The following RGPD2 variants were observed in gnomAD, a reference collection of about 807,000 sequenced individuals.
The protein encoded by RGPD2 is RANBP2-like and GRIP domain-containing protein 2.
RGPD2 carries 2 observed loss-of-function variants against 36.0 expected under a neutral mutation model. That is an observed-to-expected ratio of 0.06 (90% CI 0.02 to 0.17). The LOEUF is 0.17. Among genes scored for constraint, RGPD2 ranks in the 10% least tolerant of loss-of-function variants. The probability of loss-of-function intolerance (pLI) is 1.00; values close to 1 mark genes in which losing one functional copy is unlikely to be tolerated. For synonymous variants in RGPD2, 19 were observed against 163.8 expected, an observed-to-expected ratio of 0.12 and a Z score of 6.75; for missense variants, 40 against 464.3, an observed-to-expected ratio of 0.09 and a Z score of 8.40.
At chr2:87,914,655 T>G in the RGPD2 span, among the ~76,000 whole-genome samples, 1 of 123,880 alleles carries the variant, frequency 8.1e-6, no homozygotes, top group East Asian at 2.0e-4. Flanking sequence ...ACTGAAAAAT[T>G]TATCCAGTAG....
At chr2:87,983,926 C>G in the RGPD2 span, among the ~76,000 whole-genome samples, 5 of 139,678 alleles carry the variant, frequency 3.6e-5, no homozygotes, top group African/African-American at 1.3e-4. Context: ...AGGGCTAGGT[C>G]ACATGGCATC....
the RGPD2 span, among the ~76,000 whole-genome samples, chr2:87,917,820 G>A: frequency 8.4e-6 from 1 of 118,576 alleles, no homozygotes; most frequent in East Asian, 2.1e-4. Flanking sequence ...TCATGCTAAT[G>A]TTTGGATGTT....
At chr2:87,960,206 C>T in the RGPD2 span, among the ~76,000 whole-genome samples, 1 of 151,564 alleles carries the variant, frequency 6.6e-6, no homozygotes, top group South Asian at 2.1e-4. Flanking sequence ...TTCAGTCTTC[C>T]TCACCAGCCC....
At chr2:87,953,500 C>T in the RGPD2 span, among the ~76,000 whole-genome samples, 22 of 99,824 alleles carry the variant, frequency 2.2e-4, no homozygotes, top group South Asian at 8.2e-4. Context: ...ATCAACCATC[C>T]CTCTTTTCAT....
intron 22 of RGPD2, among the ~76,000 whole-genome samples, chr2:87,770,090 A>T (rs2104248022): frequency 8.8e-6 from 1 of 114,248 alleles, no homozygotes; most frequent in East Asian, 2.6e-4. Context: ...CTACTTATGA[A>T]GTATGTCTGT....
chr2:87,887,099 A>AT, the RGPD2 span, among the ~76,000 whole-genome samples: 1,835 of 151,934 alleles, frequency 0.012, 92 homozygotes, highest in East Asian at 0.15. Flanking sequence ...ACCTATAAAT[A>AT]TTTTTTAAAT....
At chr2:87,905,002 C>G in the RGPD2 span, among the ~76,000 whole-genome samples, 1 of 152,244 alleles carries the variant, frequency 6.6e-6, no homozygotes, top group East Asian at 1.9e-4. Flanking sequence ...CTAAACAACC[C>G]TATTCATTAC....
chr2:87,834,178 C>T, the RGPD2 span, among the ~76,000 whole-genome samples: 7 of 144,964 alleles, frequency 4.8e-5, no homozygotes, highest in East Asian at 2.0e-4. Flanking sequence ...AACAGAGAAG[C>T]GGAGAAAAAT....
chr2:87,857,412 A>T, the RGPD2 span, among the ~76,000 whole-genome samples: 1 of 151,396 alleles, frequency 6.6e-6, no homozygotes, highest in Non-Finnish European at 1.5e-5. Flanking sequence ...GTGCAATCTC[A>T]GCTCACTGAA....
chr2:87,930,696 G>C, the RGPD2 span, among the ~76,000 whole-genome samples: 4 of 150,726 alleles, frequency 2.7e-5, no homozygotes, highest in African/African-American at 9.7e-5. Flanking sequence ...TCTGATCCTG[G>C]GCTTTTTTGG....
chr2:87,961,249 CTT>C, the RGPD2 span, among the ~76,000 whole-genome samples: 3 of 152,188 alleles, frequency 2.0e-5, no homozygotes, highest in Admixed American at 6.5e-5. Context: ...GGAAGATTAA[CTT>C]ATAAATTCCA....
chr2:87,870,751 T>C, the RGPD2 span, among the ~76,000 whole-genome samples: 1 of 151,736 alleles, frequency 6.6e-6, no homozygotes, highest in Non-Finnish European at 1.5e-5. Context: ...TAATTCAACA[T>C]ACCCACTATT....
the RGPD2 span, among the ~76,000 whole-genome samples, chr2:87,913,028 C>G: frequency 3.3e-5 from 5 of 151,930 alleles, no homozygotes; most frequent in Non-Finnish European, 7.4e-5. Context: ...ATTACTAGGT[C>G]GCTCAGCTGT....
chr2:87,864,188 T>C, the RGPD2 span, among the ~76,000 whole-genome samples: 1 of 152,150 alleles, frequency 6.6e-6, no homozygotes, highest in African/African-American at 2.4e-5. Flanking sequence ...TAAATGTAAA[T>C]GCCCCTGCTC....
At chr2:87,840,686 G>A in the RGPD2 span, among the ~76,000 whole-genome samples, 1 of 149,556 alleles carries the variant, frequency 6.7e-6, no homozygotes, top group Non-Finnish European at 1.5e-5. Flanking sequence ...ACTGCAAAGA[G>A]CATGAGGTAG....
the RGPD2 span, among the ~76,000 whole-genome samples, chr2:87,843,344 T>C: frequency 8.5e-6 from 1 of 117,688 alleles, no homozygotes; most frequent in Non-Finnish European, 1.7e-5. Flanking sequence ...GAATCTACAG[T>C]GAACTCAAAC....
chr2:87,857,326 A>G, the RGPD2 span, among the ~76,000 whole-genome samples: 2 of 152,188 alleles, frequency 1.3e-5, no homozygotes. Flanking sequence ...TAAATACTCA[A>G]TAATATTTAA....
the RGPD2 span, among the ~76,000 whole-genome samples, chr2:87,957,061 C>T: frequency 6.6e-6 from 1 of 151,190 alleles, no homozygotes; most frequent in South Asian, 2.1e-4. Flanking sequence ...CTCCAAATAT[C>T]GTCCCAAAGA....
chr2:87,960,387 C>T, the RGPD2 span, among the ~76,000 whole-genome samples: 1 of 94,060 alleles, frequency 1.1e-5, no homozygotes, highest in Non-Finnish European at 2.1e-5. Context: ...TCTTGACATA[C>T]CTCCTTTGCC....
Sources: gnomAD v4.1 joint callset for allele counts (sites outside exome capture counted in the v4.1 genomes callset) on GRCh38, gnomAD v4.1.1 for gene constraint, MANE v1.5 for transcripts, NCBI Gene and HGNC (gene_info 2026-07-23, HGNC 2026-07-21) for gene names.